Variants in RCN2 observed in about 807,000 individuals in gnomAD.
The protein encoded by RCN2 is reticulocalbin 2, also known as reticulocalbin-2.
A neutral mutation model predicts 37.5 loss-of-function variants in RCN2; 23 were observed. The ratio of observed to expected loss-of-function variants is 0.61; its 90% confidence interval spans 0.44 to 0.87. The LOEUF (loss-of-function observed/expected upper bound fraction) is 0.87. Among genes scored for constraint, RCN2 ranks in the 40% least tolerant of loss-of-function variants. The pLI is 0.00. For synonymous variants in RCN2, 140 were observed against 144.6 expected (o/e 0.97, Z 0.23); for missense variants, 381 against 390.4 (o/e 0.98, Z 0.20).
chr15:76,949,275 C>A lies in RCN2; in HGVS notation c.*53C>A. On this transcript the variant is annotated 3_prime_UTR_variant, in exon 7 of 7. Transcript: ENST00000394885. ...GGCTCCTTTTATAATTTGTTACCAGCTTTACTTTTGTGATAAAATATTGAT... is the reference window on the plus strand; with the variant it reads ...GGCTCCTTTTATAATTTGTTACCAGATTTACTTTTGTGATAAAATATTGAT... 7.9e-7 allele frequency: 1 copy of A among 1,262,486 alleles called. No homozygotes were observed. Among genetic ancestry groups the A allele is most frequent in the South Asian group, 1.9e-5 (1 of 53,998 alleles). The allele number at this position is 1,262,486 out of a possible 1,614,324, so 78.2% of individuals were successfully genotyped here.
chr15:76,948,728 A>G, intron 6 of RCN2, 176 bp downstream of exon 6: 1 of 586,276 alleles, frequency 1.7e-6, no homozygotes, highest in Non-Finnish European at 2.8e-6. Context: ...GAGACGAGGA[A>G]GTTAAGATTG....
chr15:76,953,594 T>TATATATATATAA lies in RCN2; in HGVS notation c.*4372_*4373insATATATATATAA, dbSNP rs1212518050. ...ATATATATATATATATATATATATATTTTTTTTTTTTTTTTTTTTTTTTTT... is the reference window on the plus strand; with the variant it reads ...ATATATATATATATATATATATATATATATATATATAATTTTTTTTTTTTTTTTTTTTTTTTT... On this transcript the variant is annotated 3_prime_UTR_variant, in exon 7 of 7. Transcript: ENST00000394885. The TATATATATATAA allele has an allele frequency of 1.2e-4, 1 of 8,494 alleles. No individual in the cohort carries two copies. The highest frequency in any genetic ancestry group is 1.8e-3 in the Admixed American group (1 of 544). The allele number at this position is 8,494 out of a possible 1,614,324, so 0.5% of individuals were successfully genotyped here. A position where few individuals can be genotyped will look rare whatever the true frequency, so the allele number is the denominator to read the frequency against.
rs1344293692 is a variant in RCN2, at chr15:76,953,087, C to G, written c.*3865C>G. On this transcript the variant is annotated 3_prime_UTR_variant, in exon 7 of 7. Transcript: ENST00000394885. Reference sequence around the variant, plus strand: ...TAGCTGGGATTATAGATGCCCGCTACCACGCCCGGCTAATTTTTGTACTTT... The same window carrying G: ...TAGCTGGGATTATAGATGCCCGCTAGCACGCCCGGCTAATTTTTGTACTTT... 1 of 152,228 alleles carries G rather than the reference C, an allele frequency of 6.6e-6. No individual in the cohort carries two copies. Among genetic ancestry groups the G allele is most frequent in the Non-Finnish European group, 1.5e-5 (1 of 68,148 alleles). The allele number at this position is 152,228 out of a possible 1,614,324, so 9.4% of individuals were successfully genotyped here.
chr15:76,941,281 C>T (rs1453583358), intron 3 of RCN2: 1 of 155,468 alleles, frequency 6.4e-6, no homozygotes, highest in African/African-American at 2.4e-5. Context: ...CCCACCTCGG[C>T]CTCCCAAAGT....
intron 3 of RCN2, chr15:76,941,919 A>G (rs150849626): frequency 1.1e-5 from 4 of 351,382 alleles, no homozygotes; most frequent in Non-Finnish European, 2.0e-5. Context: ...TATTTTGAAT[A>G]ATGGTTTATT....
intron 1 of RCN2, 151 bp downstream of exon 1, chr15:76,932,136 G>GCGGCACTCGCGGCACAGGCTT: frequency 1.2e-6 from 1 of 866,244 alleles, no homozygotes; most frequent in Non-Finnish European, 1.7e-6. Flanking sequence ...CTCTCTGGGG[G>GCGGCACTCGCGGCACAGGCTT]TCCTGGGGCC....
rs1472615164 is a variant in RCN2 at position 76,954,043 on chromosome 15, T to TG, written c.*4821_*4822insG. The stretch of plus-strand genomic sequence containing the variant: ...TACCAACACTTGCTATTTTCTGTTT[T>TG]TTTTTTTTTCTTTTTTTTTTTTAAT... On this transcript the variant is annotated 3_prime_UTR_variant, in exon 7 of 7. Transcript: ENST00000394885. 1 of 151,614 alleles carries TG rather than the reference T, an allele frequency of 6.6e-6. No individual in the cohort carries two copies. The highest frequency in any genetic ancestry group is 1.5e-5 in the Non-Finnish European group (1 of 67,928). 9.4% of individuals were successfully genotyped at this position (151,614 alleles called of 1,614,324 possible).
intron 3 of RCN2, chr15:76,941,591 T>C: frequency 9.4e-7 from 1 of 1,062,386 alleles, no homozygotes; most frequent in Non-Finnish European, 1.4e-6. Context: ...AAAAAAAGAG[T>C]GTTGAAGTTT....
rs2075321621 is a variant in RCN2, at chr15:76,951,694, TTTTATTTTGG to T, written c.*2476_*2485del. 6.6e-6 allele frequency: 1 copy of T among 152,198 alleles called. No individual in the cohort carries two copies. The highest frequency in any genetic ancestry group is 2.4e-5 in the African/African-American group (1 of 41,442). The allele number at this position is 152,198 out of a possible 1,614,324, so 9.4% of individuals were successfully genotyped here. Reference sequence around the variant, plus strand: ...TTAAATAAGACTTTTAAAATAAAGCTTTTATTTTGGTTTTAATATAATTAGGATAATTTGA... The same window carrying T: ...TTAAATAAGACTTTTAAAATAAAGCTTTTTAATATAATTAGGATAATTTGA... On this transcript the variant is annotated 3_prime_UTR_variant, in exon 7 of 7. Transcript: ENST00000394885.
intron 3 of RCN2, chr15:76,938,774 C>G (rs1256360063): frequency 2.2e-6 from 1 of 455,942 alleles, no homozygotes; most frequent in Non-Finnish European, 4.4e-6. Context: ...GTCTGCTTAG[C>G]TTCACATTTA....
intron 1 of RCN2, 119 bp downstream of exon 1, chr15:76,932,104 G>C: frequency 9.9e-7 from 1 of 1,014,690 alleles, no homozygotes; most frequent in East Asian, 3.2e-5. Context: ...CTGACAATGG[G>C]GGCCGGGCGG....
At chr15:76,936,244 A>T (rs1175174160) in intron 3 of RCN2, among the ~76,000 whole-genome samples, 1 of 152,030 alleles carries the variant, frequency 6.6e-6, no homozygotes, top group African/African-American at 2.4e-5. Flanking sequence ...ATTCCTTAAT[A>T]TAGTATAACA....
rs371382832 is a variant in RCN2 at position 76,935,253 on chromosome 15, G to A, written c.251-273G>A. Among the ~76,000 whole-genome samples, 92 of 152,280 alleles carry A rather than the reference G, an allele frequency of 6.0e-4. No individual in the cohort carries two copies. In the South Asian group the frequency reaches 0.019, roughly 31 times the overall value. ...GCAGGAGAATCGTTTGAACCGGGAG[G>A]CAGAGGTTGCAGTGAGCTGAGATCG... On this transcript the variant is annotated intron_variant, in intron 2 of 6. Transcript: ENST00000394885.
rs980695772 is a variant in RCN2 at position 76,950,450 on chromosome 15, A to G, written c.*1228A>G. 5.0e-5 allele frequency: 7 copies of G among 139,072 alleles called. No homozygotes were observed. The highest frequency in any genetic ancestry group is 1.1e-4 in the Non-Finnish European group (7 of 66,486). 8.6% of individuals were successfully genotyped at this position (139,072 alleles called of 1,614,324 possible). A position where few individuals can be genotyped will look rare whatever the true frequency, so the allele number is the denominator to read the frequency against. On this transcript the variant is annotated 3_prime_UTR_variant, in exon 7 of 7. Transcript: ENST00000394885. ...GTGGCCCAGGCTGGAGTGCAGGGGC[A>G]CTATCTCGGCTCACTGCAAGCTCTG...
rs2075244244 is a variant in RCN2, at chr15:76,935,682, A to T, written c.407A>T (p.Asn136Ile). The stretch of plus-strand genomic sequence containing the variant: ...GATCGTGTGATTGACTTTGATGAGA[A>T]CACTGCTCTGGATGATGCAGAAGAG... ...MYDRVIDFDE[N>I]TALDDAEEES... Residue 136 changes from asparagine to isoleucine, a missense_variant, in exon 3 of 7, where the codon AAC (asparagine) becomes ATC (isoleucine). By Grantham distance (149) the Asn-to-Ile change is moderately radical. Coordinates refer to ENST00000394885, the MANE Select transcript of RCN2 (RefSeq NM_002902.3). 5 of 1,614,056 alleles carry T rather than the reference A, an allele frequency of 3.1e-6. No individual in the cohort carries two copies. The highest frequency in any genetic ancestry group is 2.2e-5 in the East Asian group (1 of 44,870).
intron 4 of RCN2, among the ~76,000 whole-genome samples, chr15:76,945,782 C>T (rs933198420): frequency 6.6e-6 from 1 of 152,192 alleles, no homozygotes; most frequent in Admixed American, 6.5e-5. Flanking sequence ...ACATTTTTCT[C>T]CATAGCTCAG....
intron 4 of RCN2, among the ~76,000 whole-genome samples, chr15:76,945,383 A>G (rs1487237254): frequency 1.3e-5 from 2 of 152,160 alleles, no homozygotes; most frequent in East Asian, 1.9e-4. Flanking sequence ...GATTCTTCAT[A>G]GGGTTGGTAG....
intron 4 of RCN2, 34 bp from the exon 5 acceptor site, chr15:76,947,387 C>CTTT: frequency 1.6e-6 from 2 of 1,275,848 alleles, no homozygotes; most frequent in Non-Finnish European, 2.2e-6. Context: ...CATTTTGTAA[C>CTTT]TTTTTTTTTT....
At chr15:76,944,990 C>T (rs1289764618) in intron 4 of RCN2, among the ~76,000 whole-genome samples, 1 of 152,158 alleles carries the variant, frequency 6.6e-6, no homozygotes, top group Non-Finnish European at 1.5e-5. Flanking sequence ...TTTACATTTC[C>T]AAGTAACCAA....
Sources: gnomAD v4.1 joint callset for allele counts (sites outside exome capture counted in the v4.1 genomes callset) on GRCh38, gnomAD v4.1.1 for gene constraint, MANE v1.5 for transcripts, NCBI Gene and HGNC (gene_info 2026-07-23, HGNC 2026-07-21) for gene names.